DCHS2: variants seen among roughly 807,000 people sequenced by gnomAD.
The protein encoded by DCHS2 is dachsous cadherin-related 2, also known as protocadherin-23.
A neutral mutation model predicts 182.4 loss-of-function variants in DCHS2; 142 were observed. That is an observed-to-expected ratio of 0.78 (90% CI 0.68 to 0.89). The LOEUF (loss-of-function observed/expected upper bound fraction) is 0.89. DCHS2 is among the 40% of genes least tolerant of loss of function. The probability of loss-of-function intolerance (pLI) is 0.00; values close to 1 mark genes in which losing one functional copy is unlikely to be tolerated. For synonymous variants in DCHS2, 1,740 were observed against 1,663.3 expected, an observed-to-expected ratio of 1.05 and a Z score of -1.12; for missense variants, 4,319 against 4,198.6, an observed-to-expected ratio of 1.03 and a Z score of -0.79.
chr4:154,347,872 G>C (rs1218018998), intron 3 of DCHS2, among the ~76,000 whole-genome samples: 1 of 151,840 alleles, frequency 6.6e-6, no homozygotes, highest in Non-Finnish European at 1.5e-5. Flanking sequence ...ATTCCAACAT[G>C]TCTAGCCCCT....
intron 1 of DCHS2, among the ~76,000 whole-genome samples, chr4:154,453,913 T>C (rs1384184399): frequency 6.6e-6 from 1 of 152,220 alleles, no homozygotes; most frequent in East Asian, 1.9e-4. Flanking sequence ...TAAAAGCACA[T>C]TAAATTTCAT....
At chr4:154,305,418 C>T (rs1030865499) in intron 10 of DCHS2, among the ~76,000 whole-genome samples, 187 bp from the exon 11 acceptor site, 5 of 152,144 alleles carry the variant, frequency 3.3e-5, no homozygotes, top group African/African-American at 1.2e-4. Flanking sequence ...GCCTCATGGG[C>T]TGAAATGCTT....
chr4:154,366,611 T>C (rs28758344), intron 2 of DCHS2, among the ~76,000 whole-genome samples, 170 bp from the exon 3 acceptor site: 2,822 of 152,062 alleles, frequency 0.019, 84 homozygotes, highest in African/African-American at 0.062. Flanking sequence ...TACATACACA[T>C]TTTGTCATTT....
chr4:154,377,041 GT>G, intron 2 of DCHS2, among the ~76,000 whole-genome samples: 1 of 152,218 alleles, frequency 6.6e-6, no homozygotes, highest in African/African-American at 2.4e-5. Flanking sequence ...GTAGTTCTGT[GT>G]TTTTAAAGTC....
At chr4:154,408,676 C>T (rs1732498663) in intron 1 of DCHS2, among the ~76,000 whole-genome samples, 1 of 152,106 alleles carries the variant, frequency 6.6e-6, no homozygotes, top group Non-Finnish European at 1.5e-5. Flanking sequence ...TGCTGGAGTA[C>T]ATCAAAGGAA....
intron 13 of DCHS2, among the ~76,000 whole-genome samples, chr4:154,297,091 A>T (rs1485748976): frequency 1.3e-5 from 2 of 152,232 alleles, no homozygotes; most frequent in African/African-American, 2.4e-5. Flanking sequence ...CAAGCAAAGC[A>T]TCAGCCAGCT....
chr4:154,429,495 T>G (rs1038700470), intron 1 of DCHS2, among the ~76,000 whole-genome samples: 4 of 152,094 alleles, frequency 2.6e-5, no homozygotes, highest in Non-Finnish European at 4.4e-5. Flanking sequence ...CACAAAAACT[T>G]AGATTTGTGA....
At chr4:154,312,535 C>A (rs529948671) in intron 10 of DCHS2, among the ~76,000 whole-genome samples, 7 of 151,898 alleles carry the variant, frequency 4.6e-5, no homozygotes, top group Non-Finnish European at 1.0e-4. Flanking sequence ...GGGAACAGAG[C>A]GAGATTCCGT....
intron 17 of DCHS2, among the ~76,000 whole-genome samples, 152 bp downstream of exon 17, chr4:154,242,489 AT>A (rs1042987926): frequency 2.6e-5 from 4 of 152,076 alleles, no homozygotes; most frequent in African/African-American, 9.7e-5. Context: ...ATGATCATCC[AT>A]TTTTTTGTTC....
chr4:154,478,907 C>A (rs910695483), intron 1 of DCHS2, among the ~76,000 whole-genome samples: 6 of 152,088 alleles, frequency 3.9e-5, no homozygotes, highest in Admixed American at 2.6e-4. Context: ...GTCTCCACAA[C>A]AAAACATACA....
intron 1 of DCHS2, among the ~76,000 whole-genome samples, chr4:154,415,467 G>C (rs969240697): frequency 3.9e-5 from 6 of 152,142 alleles, no homozygotes; most frequent in African/African-American, 1.2e-4. Context: ...TTATTACTTA[G>C]AGGCATTCCT....
intron 1 of DCHS2, among the ~76,000 whole-genome samples, chr4:154,389,536 A>ATATATATATATATATATATATATAT (rs1485000004): frequency 1.4e-3 from 207 of 144,356 alleles, no homozygotes; most frequent in Non-Finnish European, 2.2e-3. Flanking sequence ...ATATATATAT[A>ATATATATATATATATATATATATAT]ACCTTTTTTT....
At chr4:154,483,361 G>A (rs952090660) in intron 1 of DCHS2, among the ~76,000 whole-genome samples, 1 of 152,200 alleles carries the variant, frequency 6.6e-6, no homozygotes, top group Non-Finnish European at 1.5e-5. Context: ...TGATCAGAGA[G>A]TGAGATGAGA....
At chr4:154,259,838 T>G in intron 14 of DCHS2, 82 bp from the exon 15 acceptor site, 3 of 1,392,724 alleles carry the variant, frequency 2.2e-6, no homozygotes, top group Non-Finnish European at 2.8e-6. Context: ...TTTATTTAGT[T>G]TTGAGACAGA....
chr4:154,243,993 T>C (rs942920014), intron 16 of DCHS2, among the ~76,000 whole-genome samples: 1 of 152,232 alleles, frequency 6.6e-6, no homozygotes, highest in Non-Finnish European at 1.5e-5. Context: ...AACTTTTTTG[T>C]TCTTGCTTTT....
intron 3 of DCHS2, among the ~76,000 whole-genome samples, chr4:154,339,163 C>T (rs186504330): frequency 1.1e-3 from 175 of 152,184 alleles, no homozygotes; most frequent in African/African-American, 3.7e-3. Flanking sequence ...TAGTCAGGGT[C>T]TGATGGCCTG....
intron 13 of DCHS2, among the ~76,000 whole-genome samples, chr4:154,285,548 G>A (rs879368267): frequency 3.3e-5 from 5 of 152,248 alleles, no homozygotes; most frequent in Non-Finnish European, 7.4e-5. Flanking sequence ...ATCACAAGCT[G>A]AGTAAAGATT....
chr4:154,446,385 A>G (rs1232093996), intron 1 of DCHS2, among the ~76,000 whole-genome samples: 3 of 152,236 alleles, frequency 2.0e-5, no homozygotes, highest in Non-Finnish European at 2.9e-5. Flanking sequence ...CTTGCTTTAC[A>G]TAGAGTGAAG....
chr4:154,322,403 G>A lies in DCHS2; in HGVS notation c.4104C>T (p.Ser1368=). The A allele has an allele frequency of 1.9e-6, 3 of 1,613,754 alleles. No homozygotes were observed. The highest frequency in any genetic ancestry group is 1.3e-5 in the African/African-American group (1 of 75,024). The stretch of plus-strand genomic sequence containing the variant: ...CAGTGGCAATGACACTCATTCTGTA[G>A]GAAGGTCTATAATCATACGAAAGTA... ...TTILSYDYRP[S]YRMSVIATDQ... The change falls in exon 8 of 20, where the codon TCC becomes TCT. Residue 1368 remains serine, a synonymous_variant. Coordinates refer to ENST00000357232, the MANE Select transcript of DCHS2 (RefSeq NM_001358235.2).
Sources: gnomAD v4.1 joint callset for allele counts (sites outside exome capture counted in the v4.1 genomes callset) on GRCh38, gnomAD v4.1.1 for gene constraint, MANE v1.5 for transcripts, NCBI Gene and HGNC (gene_info 2026-07-23, HGNC 2026-07-21) for gene names.